RAB27A: variants seen among roughly 807,000 people sequenced by gnomAD.
The protein encoded by RAB27A is RAB27A, member RAS oncogene family, also known as ras-related protein Rab-27A.
In RAB27A, 17 loss-of-function variants were observed where a neutral mutation model predicts 20.8. That is an observed-to-expected ratio of 0.82 (90% CI 0.56 to 1.23). The LOEUF is 1.23. Among genes scored for constraint, RAB27A ranks in the 50% most tolerant of loss-of-function variants. RAB27A has a pLI of 0.00. For missense variants in RAB27A, 277 were observed against 266.7 expected, an observed-to-expected ratio of 1.04 and a Z score of -0.27; for synonymous variants, 85 against 92.8, an observed-to-expected ratio of 0.92 and a Z score of 0.48.
chr15:55,250,570 G>C (rs1469545180), intron 2 of RAB27A, among the ~76,000 whole-genome samples: 2 of 152,316 alleles, frequency 1.3e-5, no homozygotes, highest in Admixed American at 6.5e-5. Context: ...ACATGTTTCA[G>C]CAGATGTTTG....
Position 55,318,976 on chromosome 15 carries a change from C to T in RAB27A, c.-279G>A, listed in dbSNP as rs145298616. ...CTCCACGTCACTAAACTCGCTACCGCCTGCTCCCCTCCAGAGACCGGGGGC... is the reference window on the plus strand; with the variant it reads ...CTCCACGTCACTAAACTCGCTACCGTCTGCTCCCCTCCAGAGACCGGGGGC... On this transcript the variant is annotated 5_prime_UTR_variant, in exon 1 of 6. Transcript: ENST00000563262. The T allele has an allele frequency of 2.1e-4, 84 of 404,920 alleles. 1 individual carries two copies. The East Asian group carries it at 3.6e-3, about 17-fold the overall frequency. 25.1% of individuals were successfully genotyped at this position (404,920 alleles called of 1,614,324 possible).
intron 2 of RAB27A, among the ~76,000 whole-genome samples, chr15:55,268,740 A>C (rs995712598): frequency 8.5e-5 from 13 of 152,210 alleles, no homozygotes; most frequent in African/African-American, 3.1e-4. Context: ...TGTTTACTGC[A>C]TGCATTTTGA....
At chr15:55,241,643 T>TG (rs1896497478) in intron 2 of RAB27A, among the ~76,000 whole-genome samples, 1 of 69,878 alleles carries the variant, frequency 1.4e-5, no homozygotes, top group African/African-American at 1.3e-4. Flanking sequence ...TATATATTTG[T>TG]TTTTTTTTTT....
At chr15:55,224,427 C>T (rs1177694316) in intron 5 of RAB27A, among the ~76,000 whole-genome samples, 3 of 152,192 alleles carry the variant, frequency 2.0e-5, no homozygotes, top group Non-Finnish European at 4.4e-5. Context: ...ATAGCAATGA[C>T]ATTTCTAAAA....
chr15:55,210,818 C>T (rs985648018), intron 6 of RAB27A, among the ~76,000 whole-genome samples: 8 of 152,046 alleles, frequency 5.3e-5, no homozygotes, highest in African/African-American at 1.9e-4. Flanking sequence ...GTTTTGTGGT[C>T]TTACACAAAA....
intron 1 of RAB27A, among the ~76,000 whole-genome samples, chr15:55,275,683 C>A (rs6493775): frequency 0.43 from 64,791 of 151,326 alleles, 15,541 homozygotes; most frequent in East Asian, 0.71. Context: ...TAAATCTGAT[C>A]AGGGGTTAAT....
chr15:55,235,803 T>C (rs1329744656), intron 2 of RAB27A, among the ~76,000 whole-genome samples: 1 of 151,946 alleles, frequency 6.6e-6, no homozygotes, highest in African/African-American at 2.4e-5. Context: ...TGTATATATA[T>C]ACACACACCA....
At chr15:55,296,045 C>T (rs116844382) in intron 2 of RAB27A, among the ~76,000 whole-genome samples, 7,654 of 151,468 alleles carry the variant, frequency 0.051, 267 homozygotes, top group East Asian at 0.15. Flanking sequence ...CACAGGCACC[C>T]GCCACCATGC....
At chr15:55,275,546 G>A (rs1595741682) in intron 1 of RAB27A, among the ~76,000 whole-genome samples, 1 of 151,646 alleles carries the variant, frequency 6.6e-6, no homozygotes, top group African/African-American at 2.4e-5. Context: ...AGAATCACTT[G>A]AGCCTGGAGG....
intron 2 of RAB27A, among the ~76,000 whole-genome samples, chr15:55,267,958 TG>T (rs1406528104): frequency 2.0e-5 from 3 of 151,950 alleles, no homozygotes; most frequent in Admixed American, 1.3e-4. Flanking sequence ...AGAAGAAAAA[TG>T]GTTGTTTGTA....
intron 2 of RAB27A, among the ~76,000 whole-genome samples, chr15:55,257,081 T>G (rs1412045453): frequency 6.6e-6 from 1 of 151,960 alleles, no homozygotes; most frequent in Non-Finnish European, 1.5e-5. Context: ...CACCAAAGAA[T>G]AAAGCCTAGG....
chr15:55,257,958 A>G (rs1897139629), intron 2 of RAB27A, among the ~76,000 whole-genome samples: 1 of 150,912 alleles, frequency 6.6e-6, no homozygotes. Flanking sequence ...ATGCCACTGC[A>G]CTCCAGGCTG....
chr15:55,293,951 A>G (rs1199570287), upstream of RAB27A, among the ~76,000 whole-genome samples: 1 of 152,182 alleles, frequency 6.6e-6, no homozygotes, highest in Non-Finnish European at 1.5e-5. Flanking sequence ...TTTAATGTTC[A>G]TGGAATCAAA....
At chr15:55,274,818 ATATATATG>A (rs1468548663) in intron 1 of RAB27A, among the ~76,000 whole-genome samples, 1 of 138,056 alleles carries the variant, frequency 7.2e-6, no homozygotes, top group East Asian at 2.0e-4. Flanking sequence ...ATATATATAT[ATATATATG>A]TATAGAGAGA....
At chr15:55,284,287 T>C (rs1232646557) in intron 1 of RAB27A, among the ~76,000 whole-genome samples, 2 of 152,208 alleles carry the variant, frequency 1.3e-5, no homozygotes, top group Non-Finnish European at 2.9e-5. Flanking sequence ...TATGTATATC[T>C]TCCATATTTA....
rs1018705856 is a variant in RAB27A at position 55,302,335 on chromosome 15, C to T, written c.-112+11704G>A. On this transcript the variant is annotated intron_variant, in intron 2 of 5. Coordinates refer to the RAB27A transcript ENST00000563262. ...AGTGATCCCGCCAACCTCGGCCTCC[C>T]GAGGTGCCGGGATTGCAGACGGAGT... is the stretch of plus-strand genomic sequence containing the variant. 4.6e-5 allele frequency among the ~76,000 whole-genome samples: 7 copies of T among 152,206 alleles called. No homozygotes were observed. The East Asian group carries it at 1.2e-3, about 25-fold the overall frequency.
chr15:55,208,373 G>C (rs761102402), intron 6 of RAB27A, among the ~76,000 whole-genome samples: 3 of 152,102 alleles, frequency 2.0e-5, no homozygotes, highest in African/African-American at 4.8e-5. Flanking sequence ...GGCTCAAATT[G>C]GCATGAATCA....
chr15:55,261,208 C>G (rs1168651864), intron 2 of RAB27A, among the ~76,000 whole-genome samples: 1 of 151,664 alleles, frequency 6.6e-6, no homozygotes, highest in African/African-American at 2.4e-5. Context: ...ACCAGCCTGG[C>G]CAAGATGGTG....
rs558074388 is a variant in RAB27A, at chr15:55,214,181, A to C, written c.468-8476T>G. 5.3e-5 allele frequency among the ~76,000 whole-genome samples: 8 copies of C among 152,344 alleles called. No individual in the cohort carries two copies. The East Asian group carries it at 5.8e-4, about 11-fold the overall frequency. On this transcript the variant is annotated intron_variant, in intron 6 of 6. Transcript: ENST00000336787. ...GCCGGGCGCGATGGCTGATGCCTGTAATCCCAGCACTTTGGGAGGCCAAGG... is the reference window on the plus strand; with the variant it reads ...GCCGGGCGCGATGGCTGATGCCTGTCATCCCAGCACTTTGGGAGGCCAAGG...
Sources: allele counts gnomAD v4.1 joint callset (sites outside exome capture counted in the v4.1 genomes callset), GRCh38; gene constraint gnomAD v4.1.1; transcripts MANE v1.5; gene names NCBI Gene and HGNC (gene_info 2026-07-23, HGNC 2026-07-21).